Variants in APP observed in about 807,000 individuals in gnomAD.
APP encodes the protein amyloid-beta precursor protein.
In APP, 31 loss-of-function variants were observed where a neutral mutation model predicts 101.4. The ratio of observed to expected loss-of-function variants is 0.31; its 90% CI spans 0.23 to 0.41. The LOEUF is 0.41. Among genes scored for constraint, APP ranks in the 10% least tolerant of loss-of-function variants. The pLI is 1.00. For missense variants in APP, 839 were observed against 1,003.7 expected (o/e 0.84, Z 2.22); for synonymous variants, 366 against 364.4 (o/e 1.00, Z -0.05).
At chr21:26,000,368 A>G (rs2043241187) in intron 6 of APP, among the ~76,000 whole-genome samples, 186 bp from the exon 7 acceptor site, 1 of 152,234 alleles carries the variant, frequency 6.6e-6, no homozygotes, top group Non-Finnish European at 1.5e-5. Context: ...CACCTCTCAG[A>G]GCATGCACTG....
At chr21:26,061,709 T>C (rs1042098234) in intron 3 of APP, among the ~76,000 whole-genome samples, 6 of 152,218 alleles carry the variant, frequency 3.9e-5, no homozygotes, top group African/African-American at 9.7e-5. Context: ...ACTGTAACTA[T>C]TACCGGATAA....
chr21:26,059,112 T>TAA lies in APP; in HGVS notation c.356-5766_356-5765dup, dbSNP rs528222639. On this transcript the variant is annotated intron_variant, in intron 3 of 17. Transcript: ENST00000346798. ...AAAAATAATAATAAAGACATTAAAA[T>TAA]AAAAAAAAAACAGACTGCTGAAGTT... Among the ~76,000 whole-genome samples, 225 of 146,686 alleles carry TAA rather than the reference T, an allele frequency of 1.5e-3. 2 individuals are homozygous for TAA. The highest frequency in any genetic ancestry group is 5.2e-3 in the African/African-American group (206 of 39,932).
At position 25,880,820 on chromosome 21, in the gene APP, T is replaced by TG. The variant is rs2036938677; in HGVS notation, c.*849_*850insC. 1 of 152,540 alleles carries TG rather than the reference T, an allele frequency of 6.6e-6. No individual in the cohort carries two copies. The highest frequency in any genetic ancestry group is 2.4e-5 in the African/African-American group (1 of 41,448). The allele number at this position is 152,540 out of a possible 1,614,324, so 9.4% of individuals were successfully genotyped here. Reference sequence around the variant, plus strand: ...CTTGCCCGGGGTTATTTTATTTAATTTATTTATGTAATACAGTGTAGAAAG... The same window carrying TG: ...CTTGCCCGGGGTTATTTTATTTAATTGTATTTATGTAATACAGTGTAGAAAG... On this transcript the variant is annotated 3_prime_UTR_variant, in exon 18 of 18. Transcript: ENST00000346798.
intron 6 of APP, among the ~76,000 whole-genome samples, chr21:26,008,201 C>T (rs766770367): frequency 6.6e-6 from 1 of 152,164 alleles, no homozygotes; most frequent in Non-Finnish European, 1.5e-5. Context: ...CTCATCTCTC[C>T]ATGATGAAAG....
chr21:26,042,275 A>G (rs1242982684), intron 5 of APP, among the ~76,000 whole-genome samples: 2 of 152,324 alleles, frequency 1.3e-5, no homozygotes, highest in Middle Eastern at 3.4e-3. Context: ...CTCTCACCTA[A>G]TTTTAAAGAC....
chr21:25,988,530 T>C (rs2242687), intron 8 of APP, among the ~76,000 whole-genome samples: 49,454 of 151,454 alleles, frequency 0.33, 9,568 homozygotes, highest in African/African-American at 0.54. Flanking sequence ...GGAGAAACTC[T>C]GTCTCTACTA....
intron 11 of APP, among the ~76,000 whole-genome samples, chr21:25,970,513 C>A (rs991864008): frequency 6.6e-6 from 1 of 152,022 alleles, no homozygotes; most frequent in African/African-American, 2.4e-5. Context: ...CTCCTGAAAG[C>A]GTGTTCTCCA....
intron 2 of APP, among the ~76,000 whole-genome samples, chr21:26,109,272 A>G (rs1472484694): frequency 6.6e-6 from 1 of 152,172 alleles, no homozygotes; most frequent in Non-Finnish European, 1.5e-5. Context: ...TGTAATTCCC[A>G]GTGTTGGAAG....
At chr21:25,983,355 T>C (rs116852019) in intron 8 of APP, among the ~76,000 whole-genome samples, 2 of 152,348 alleles carry the variant, frequency 1.3e-5, no homozygotes, top group East Asian at 1.9e-4. Flanking sequence ...GTTTTCACTA[T>C]CTTTTGAGAT....
At chr21:25,950,960 T>C (rs1412575559) in intron 13 of APP, among the ~76,000 whole-genome samples, 1 of 152,174 alleles carries the variant, frequency 6.6e-6, no homozygotes, top group African/African-American at 2.4e-5. Flanking sequence ...CAGAAGGACA[T>C]GAGTGTTATA....
chr21:26,102,610 G>A (rs1021083986), intron 2 of APP, among the ~76,000 whole-genome samples: 1 of 151,934 alleles, frequency 6.6e-6, no homozygotes, highest in Non-Finnish European at 1.5e-5. Flanking sequence ...ATGAATAACT[G>A]CCAGGCACAG....
chr21:25,934,709 C>G (rs180808286), intron 13 of APP: 4 of 152,304 alleles, frequency 2.6e-5, no homozygotes, highest in Admixed American at 6.5e-5. Context: ...GTTGGGATTA[C>G]AGGCGTGAGC....
At chr21:25,901,813 A>G (rs963554683) in intron 15 of APP, among the ~76,000 whole-genome samples, 1 of 125,706 alleles carries the variant, frequency 8.0e-6, no homozygotes, top group Non-Finnish European at 1.6e-5. Flanking sequence ...TATGTCCTTC[A>G]TGACACCTCT....
At chr21:26,026,079 T>C (rs1381698729) in intron 5 of APP, among the ~76,000 whole-genome samples, 2 of 152,202 alleles carry the variant, frequency 1.3e-5, no homozygotes, top group African/African-American at 2.4e-5. Flanking sequence ...GAAAAGCTCA[T>C]CACAGTTTAA....
At chr21:25,989,749 G>A (rs912239686) in intron 8 of APP, among the ~76,000 whole-genome samples, 5 of 151,944 alleles carry the variant, frequency 3.3e-5, no homozygotes, top group East Asian at 1.9e-4. Context: ...ATTTGATACC[G>A]ACCCAGCAAT....
At chr21:26,141,035 T>A (rs1374537691) in intron 1 of APP, among the ~76,000 whole-genome samples, 2 of 152,236 alleles carry the variant, frequency 1.3e-5, no homozygotes, top group African/African-American at 4.8e-5. Flanking sequence ...GGGGTCCTCA[T>A]CTGTAAAATG....
chr21:25,930,230 G>C lies in APP; in HGVS notation c.1688-18268C>G, dbSNP rs116967391. Among the ~76,000 whole-genome samples the C allele has an allele frequency of 4.3e-3, 660 of 152,290 alleles. 2 individuals are homozygous for C. Among genetic ancestry groups the C allele is most frequent in the Non-Finnish European group, 7.5e-3 (507 of 68,032 alleles). ...AGTCGTGTCCCTAAAGCCGTGTCCTGTGTGACCAGCCCCGTCTCTCAAGCT... is the reference window on the plus strand; with the variant it reads ...AGTCGTGTCCCTAAAGCCGTGTCCTCTGTGACCAGCCCCGTCTCTCAAGCT... On this transcript the variant is annotated intron_variant, in intron 13 of 17. Transcript: ENST00000346798.
chr21:26,011,792 C>T (rs1344345430), intron 6 of APP, among the ~76,000 whole-genome samples: 3 of 29,050 alleles, frequency 1.0e-4, no homozygotes, highest in Non-Finnish European at 2.7e-4. Flanking sequence ...TTTCTTTGCT[C>T]CTATCATGAA....
At chr21:25,950,011 C>T (rs1424046997) in intron 13 of APP, among the ~76,000 whole-genome samples, 1 of 152,186 alleles carries the variant, frequency 6.6e-6, no homozygotes, top group Non-Finnish European at 1.5e-5. Flanking sequence ...CATATGCTGC[C>T]TTTGTGTGAA....
Sources: allele counts gnomAD v4.1 joint callset (sites outside exome capture counted in the v4.1 genomes callset), GRCh38; gene constraint gnomAD v4.1.1; transcripts MANE v1.5; gene names NCBI Gene and HGNC (gene_info 2026-07-23, HGNC 2026-07-21).